Variants in NRXN3 observed in about 807,000 individuals in gnomAD.
NRXN3 encodes neurexin III.
NRXN3 carries 32 observed loss-of-function variants against 137.6 expected under a neutral mutation model. The observed-to-expected ratio is 0.23, with a 90% CI of 0.18 to 0.31. NRXN3 has a LOEUF of 0.31. NRXN3 is among the 10% of genes least tolerant of loss of function. The probability of loss-of-function intolerance (pLI) is 1.00; values close to 1 mark genes in which losing one functional copy is unlikely to be tolerated. For missense variants in NRXN3, 1,574 were observed against 2,062.5 expected, an observed-to-expected ratio of 0.76 and a Z score of 4.59; for synonymous variants, 798 against 784.5, an observed-to-expected ratio of 1.02 and a Z score of -0.29.
chr14:78,804,970 A>T (rs996947643), intron 9 of NRXN3, among the ~76,000 whole-genome samples: 2 of 152,176 alleles, frequency 1.3e-5, no homozygotes, highest in African/African-American at 4.8e-5. Context: ...TGGAGAAAAA[A>T]TGATGAACAA....
chr14:79,676,708 A>T (rs1176197877), intron 17 of NRXN3, among the ~76,000 whole-genome samples: 1 of 151,978 alleles, frequency 6.6e-6, no homozygotes, highest in African/African-American at 2.4e-5. Context: ...TATATACCTT[A>T]TATGTATATA....
chr14:78,181,144 G>C (rs189581943), intron 1 of NRXN3, among the ~76,000 whole-genome samples: 16 of 152,354 alleles, frequency 1.1e-4, no homozygotes, highest in African/African-American at 3.8e-4. Flanking sequence ...GTAATATCCA[G>C]TGGGGCAATG....
At position 79,522,927 on chromosome 14, in the gene NRXN3, C is replaced by A. The variant is rs532390171; in HGVS notation, c.3444+55525C>A. Among the ~76,000 whole-genome samples, 3 of 152,280 alleles carry A rather than the reference C, an allele frequency of 2.0e-5. No homozygotes were observed. In the East Asian group the frequency reaches 5.8e-4, roughly 29 times the overall value. ...AGGTCTTTACAGGCAAATTTACATT[C>A]TATCACAGAAACAGTGACTATCAGA... On this transcript the variant is annotated intron_variant, in intron 16 of 20. Coordinates refer to ENST00000335750, the MANE Select transcript of NRXN3 (RefSeq NM_001330195.2).
At chr14:78,913,617 A>G (rs1031308904) in intron 10 of NRXN3, among the ~76,000 whole-genome samples, 2 of 152,092 alleles carry the variant, frequency 1.3e-5, no homozygotes, top group Non-Finnish European at 2.9e-5. Context: ...ACTAAATCCA[A>G]TGTCCTCTTC....
At chr14:79,064,768 T>C (rs1264318015) in intron 15 of NRXN3, among the ~76,000 whole-genome samples, 4 of 142,246 alleles carry the variant, frequency 2.8e-5, no homozygotes, top group African/African-American at 1.0e-4. Flanking sequence ...CCCATATATA[T>C]GTATGTGTGT....
At position 79,531,148 on chromosome 14, in the gene NRXN3, C is replaced by G. The variant is rs76350257; in HGVS notation, c.3444+63746C>G. Among the ~76,000 whole-genome samples, 3 of 152,276 alleles carry G rather than the reference C, an allele frequency of 2.0e-5. No individual in the cohort carries two copies. The South Asian group carries it at 6.2e-4, about 32-fold the overall frequency. On this transcript the variant is annotated intron_variant, in intron 16 of 20. Coordinates refer to ENST00000335750, the MANE Select transcript of NRXN3 (RefSeq NM_001330195.2). ...GCTGTACTCATCCTCCTTCCCAATC[C>G]TCTTTGAAGTAGGAAAGTCCCATTG...
Position 78,210,548 on chromosome 14 carries a change from C to A in NRXN3, c.-703-31843C>A, listed in dbSNP as rs576668857. ...GTAAGCCATGTACAATAAAGTACCT[C>A]AATTTTCTAAGTGTACAATTTGAGT... On this transcript the variant is annotated intron_variant, in intron 1 of 20. Transcript: ENST00000335750. Among the ~76,000 whole-genome samples the A allele has an allele frequency of 2.0e-5, 3 of 152,224 alleles. No individual in the cohort carries two copies. The South Asian group carries it at 6.2e-4, about 32-fold the overall frequency.
intron 4 of NRXN3, among the ~76,000 whole-genome samples, chr14:78,452,858 C>T (rs1359529892): frequency 1.3e-5 from 2 of 152,014 alleles, no homozygotes; most frequent in African/African-American, 4.8e-5. Flanking sequence ...AGATGAGAGT[C>T]AACTTGTATG....
At chr14:78,339,964 C>T (rs889702446) in intron 4 of NRXN3, among the ~76,000 whole-genome samples, 5 of 152,100 alleles carry the variant, frequency 3.3e-5, no homozygotes, top group Non-Finnish European at 5.9e-5. Flanking sequence ...CCAGAATCTT[C>T]GGTAACTGGA....
At chr14:78,842,244 G>A (rs573788605) in intron 10 of NRXN3, among the ~76,000 whole-genome samples, 52 of 152,124 alleles carry the variant, frequency 3.4e-4, no homozygotes, top group Non-Finnish European at 6.0e-4. Context: ...TTTCACATAG[G>A]TTCTTTTCTA....
chr14:78,680,925 C>T (rs1262115646), intron 6 of NRXN3, among the ~76,000 whole-genome samples: 1 of 152,136 alleles, frequency 6.6e-6, no homozygotes, highest in Non-Finnish European at 1.5e-5. Flanking sequence ...CATAAACACA[C>T]ACTTTATTTA....
chr14:78,984,506 A>G (rs775986246), intron 14 of NRXN3, among the ~76,000 whole-genome samples: 1 of 152,220 alleles, frequency 6.6e-6, no homozygotes, highest in Non-Finnish European at 1.5e-5. Flanking sequence ...AACTCAAAGA[A>G]TAAAAATGAA....
chr14:79,267,281 A>G (rs974919918), intron 15 of NRXN3, among the ~76,000 whole-genome samples: 4 of 152,214 alleles, frequency 2.6e-5, no homozygotes, highest in African/African-American at 7.2e-5. Flanking sequence ...TTAAGGATAT[A>G]GAATTATTTT....
chr14:79,547,684 C>T (rs566722120), intron 16 of NRXN3, among the ~76,000 whole-genome samples: 80 of 152,164 alleles, frequency 5.3e-4, no homozygotes, highest in Non-Finnish European at 9.3e-4. Context: ...AGGAGAGAAC[C>T]AGTAAGGAGG....
At chr14:78,993,912 C>A (rs573902347) in intron 15 of NRXN3, among the ~76,000 whole-genome samples, 1 of 127,988 alleles carries the variant, frequency 7.8e-6, no homozygotes, top group Non-Finnish European at 1.6e-5. Flanking sequence ...TGCAGTGGTG[C>A]GATCTCAGTT....
chr14:78,764,590 GC>G (rs1485041156), intron 8 of NRXN3, among the ~76,000 whole-genome samples: 1 of 152,090 alleles, frequency 6.6e-6, no homozygotes, highest in African/African-American at 2.4e-5. Context: ...AATAACAATT[GC>G]TAAGCTTAAA....
intron 15 of NRXN3, among the ~76,000 whole-genome samples, chr14:79,219,999 G>A (rs921621057): frequency 3.9e-5 from 6 of 152,120 alleles, no homozygotes; most frequent in Non-Finnish European, 8.8e-5. Flanking sequence ...CTACTTTATA[G>A]GTCATATAAC....
At chr14:78,314,942 T>TCTTTCTTCCTTCCTTCCTTCCTTC (rs1491333798) in intron 4 of NRXN3, among the ~76,000 whole-genome samples, 1 of 60,582 alleles carries the variant, frequency 1.7e-5, no homozygotes, top group African/African-American at 7.0e-5. Context: ...TTTCTTTCTT[T>TCTTTCTTCCTTCCTTCCTTCCTTC]CTTCCTTCCT....
chr14:79,395,359 T>A (rs1345893466), intron 15 of NRXN3, among the ~76,000 whole-genome samples: 1 of 152,164 alleles, frequency 6.6e-6, no homozygotes, highest in Non-Finnish European at 1.5e-5. Context: ...GGCATTTGAT[T>A]CCAGAAGCAG....
Sources: gnomAD v4.1 joint callset for allele counts (sites outside exome capture counted in the v4.1 genomes callset) on GRCh38, gnomAD v4.1.1 for gene constraint, MANE v1.5 for transcripts, NCBI Gene and HGNC (gene_info 2026-07-23, HGNC 2026-07-21) for gene names.